KIRREL3: variants seen among roughly 807,000 people sequenced by gnomAD.
KIRREL3 encodes kin of IRRE-like protein 3.
KIRREL3 carries 36 observed loss-of-function variants against 89.7 expected under a neutral mutation model. That is an observed-to-expected ratio of 0.40 (90% CI 0.31 to 0.53). The LOEUF is 0.53. KIRREL3 is among the 20% of genes least tolerant of loss of function. The pLI is 0.49. For synonymous variants in KIRREL3, 445 were observed against 441.4 expected (o/e 1.01, Z -0.10); for missense variants, 864 against 1,056.6 (o/e 0.82, Z 2.53).
chr11:126,503,534 T>C lies in KIRREL3; in HGVS notation c.433+17781A>G, dbSNP rs749971111. ...TTACAACTAGTTAGCTGGGTGGCCATGGGGAAGGAACCCAACCCTTCTGAG... is the reference window on the plus strand; with the variant it reads ...TTACAACTAGTTAGCTGGGTGGCCACGGGGAAGGAACCCAACCCTTCTGAG... On this transcript the variant is annotated intron_variant, in intron 4 of 16. Coordinates refer to ENST00000525144, the MANE Select transcript of KIRREL3 (RefSeq NM_032531.4). 8.2e-4 allele frequency among the ~76,000 whole-genome samples: 125 copies of C among 152,258 alleles called. 1 individual carries two copies. The highest frequency in any genetic ancestry group is 1.4e-3 in the Admixed American group (22 of 15,300).
chr11:126,911,557 C>T (rs1946814944), intron 1 of KIRREL3, among the ~76,000 whole-genome samples: 1 of 152,184 alleles, frequency 6.6e-6, no homozygotes, highest in African/African-American at 2.4e-5. Flanking sequence ...CCCCTCCTCT[C>T]TCCCCGCAGC....
rs1958552943 is a variant in KIRREL3 at position 126,520,573 on chromosome 11, C to T, written c.433+742G>A. Among the ~76,000 whole-genome samples the T allele has an allele frequency of 1.3e-5, 2 of 152,102 alleles. No individual in the cohort carries two copies. The highest frequency in any genetic ancestry group is 1.5e-5 in the Non-Finnish European group (1 of 68,020). ...CCTGGTTCTCAGCAGCCTTGATCCT[C>T]GGTAACATTTGGCCAGAGGAGGGAG... On this transcript the variant is annotated intron_variant, in intron 4 of 16. Coordinates refer to ENST00000525144, the MANE Select transcript of KIRREL3 (RefSeq NM_032531.4). The surrounding 1 kb of genome is among the most constrained non-coding windows in gnomAD (Gnocchi z 4.9).
In KIRREL3 at chr11:126,729,527, G is replaced by A. The variant is rs924001276; in HGVS notation, c.56-166615C>T. 3.9e-5 allele frequency among the ~76,000 whole-genome samples: 6 copies of A among 152,224 alleles called. No individual in the cohort carries two copies. The highest frequency in any genetic ancestry group is 1.2e-4 in the African/African-American group (5 of 41,462). On this transcript the variant is annotated intron_variant, in intron 1 of 16. Transcript: ENST00000525144. This position sits in a 1 kb window ranked among gnomAD's most constrained non-coding sequence, Gnocchi z 4.5. ...TGCTTCTCCTTTGCAGCCTCAGGGA[G>A]TGATTACCTGCAATATGCCAGGGTA...
In KIRREL3 at chr11:126,987,036, T is replaced by C. The variant is rs1428028003; in HGVS notation, c.55+13419A>G. On this transcript the variant is annotated intron_variant, in intron 1 of 16. Coordinates refer to ENST00000525144, the MANE Select transcript of KIRREL3 (RefSeq NM_032531.4). This position sits in a 1 kb window ranked among gnomAD's most constrained non-coding sequence, Gnocchi z 4.6. The stretch of plus-strand genomic sequence containing the variant: ...GAAGGTCTGGACTGGGGTCCAAAAA[T>C]GGGGATTTCTAACAATCTCCAAGTT... Among the ~76,000 whole-genome samples, 1 of 152,158 alleles carries C rather than the reference T, an allele frequency of 6.6e-6. No individual in the cohort carries two copies. Among genetic ancestry groups the C allele is most frequent in the African/African-American group, 2.4e-5 (1 of 41,440 alleles).
chr11:126,973,099 G>GAAAAAA (rs763115363), intron 1 of KIRREL3, among the ~76,000 whole-genome samples: 6 of 41,134 alleles, frequency 1.5e-4, no homozygotes, highest in African/African-American at 2.6e-4. Context: ...TAAGTTTTGA[G>GAAAAAA]GAAAAAAAAA....
At position 126,859,362 on chromosome 11, in the gene KIRREL3, T is replaced by G. The variant is rs142032180; in HGVS notation, c.55+141093A>C. ...CACATGGCAACTTATTCAAGGTCAC[T>G]GAGCAACATTTAGCAGAGCTTGGAT... is the stretch of plus-strand genomic sequence containing the variant. On this transcript the variant is annotated intron_variant, in intron 1 of 16. Transcript: ENST00000525144. Among the ~76,000 whole-genome samples the G allele has an allele frequency of 3.1e-3, 467 of 152,350 alleles. 2 individuals are homozygous for G. The highest frequency in any genetic ancestry group is 5.7e-3 in the Admixed American group (87 of 15,298).
rs965218809 is a variant in KIRREL3 at position 126,575,103 on chromosome 11, G to C, written c.56-12191C>G. 4.6e-5 allele frequency among the ~76,000 whole-genome samples: 7 copies of C among 152,192 alleles called. No homozygotes were observed. The highest frequency in any genetic ancestry group is 8.8e-5 in the Non-Finnish European group (6 of 68,032). Reference sequence around the variant, plus strand: ...AACTGCAGGAGAATTTATACTTCTTGTTCATCTGGAGAAAGTTCTCTGGCC... The same window carrying C: ...AACTGCAGGAGAATTTATACTTCTTCTTCATCTGGAGAAAGTTCTCTGGCC... On this transcript the variant is annotated intron_variant, in intron 1 of 16. Transcript: ENST00000525144. The surrounding 1 kb of genome is among the most constrained non-coding windows in gnomAD (Gnocchi z 7.0).
At chr11:126,482,575 C>A (rs1163300407) in intron 4 of KIRREL3, among the ~76,000 whole-genome samples, 1 of 152,228 alleles carries the variant, frequency 6.6e-6, no homozygotes, top group African/African-American at 2.4e-5. Context: ...GATGATGTGG[C>A]ATGTTATTGG....
chr11:126,487,899 T>C (rs4937140), intron 4 of KIRREL3, among the ~76,000 whole-genome samples: 71,024 of 152,080 alleles, frequency 0.47, 18,164 homozygotes, highest in African/African-American at 0.68. Flanking sequence ...TGTCCTGTCC[T>C]GAAAGGGGTA....
intron 1 of KIRREL3, among the ~76,000 whole-genome samples, chr11:126,873,539 T>A (rs1945176693): frequency 6.6e-6 from 1 of 152,230 alleles, no homozygotes; most frequent in South Asian, 2.1e-4. Flanking sequence ...ATTTTTCTTT[T>A]TGCTCACAAG....
Position 126,541,442 on chromosome 11 carries a change from CAAAGAAGTG to C in KIRREL3, c.134-14764_134-14756del, listed in dbSNP as rs908686261. On this transcript the variant is annotated intron_variant, in intron 2 of 16. Coordinates refer to ENST00000525144, the MANE Select transcript of KIRREL3 (RefSeq NM_032531.4). This position sits in a 1 kb window ranked among gnomAD's most constrained non-coding sequence, Gnocchi z 4.8. Reference sequence around the variant, plus strand: ...GGTTGAAAATAATAAAATCAAGGTGCAAAGAAGTGAAAGCAAGTCTCTCAAGGACACTTG... The same window carrying C: ...GGTTGAAAATAATAAAATCAAGGTGCAAAGCAAGTCTCTCAAGGACACTTG... Among the ~76,000 whole-genome samples, 1 of 152,050 alleles carries C rather than the reference CAAAGAAGTG, an allele frequency of 6.6e-6. No individual in the cohort carries two copies. The highest frequency in any genetic ancestry group is 2.4e-5 in the African/African-American group (1 of 41,386).
At position 126,870,211 on chromosome 11, in the gene KIRREL3, C is replaced by G. The variant is rs1261780466; in HGVS notation, c.55+130244G>C. The stretch of plus-strand genomic sequence containing the variant: ...CCTGTTCACGGTCTAAAGCCACATC[C>G]TGTCTGCCCCAGGCTCATATTCTGC... On this transcript the variant is annotated intron_variant, in intron 1 of 16. Coordinates refer to ENST00000525144, the MANE Select transcript of KIRREL3 (RefSeq NM_032531.4). This position sits in a 1 kb window ranked among gnomAD's most constrained non-coding sequence, Gnocchi z 4.4. Among the ~76,000 whole-genome samples, 3 of 152,178 alleles carry G rather than the reference C, an allele frequency of 2.0e-5. No individual in the cohort carries two copies. The highest frequency in any genetic ancestry group is 4.4e-5 in the Non-Finnish European group (3 of 68,014).
intron 5 of KIRREL3, among the ~76,000 whole-genome samples, chr11:126,467,358 C>T (rs1385385447): frequency 6.6e-6 from 1 of 152,202 alleles, no homozygotes; most frequent in East Asian, 1.9e-4. Context: ...TGTACCCCAC[C>T]CCATGGTTTT....
rs775411992 is a variant in KIRREL3, at chr11:126,705,545, C to G, written c.56-142633G>C. Among the ~76,000 whole-genome samples, 1 of 152,166 alleles carries G rather than the reference C, an allele frequency of 6.6e-6. No homozygotes were observed. The highest frequency in any genetic ancestry group is 2.4e-5 in the African/African-American group (1 of 41,440). On this transcript the variant is annotated intron_variant, in intron 1 of 16. Coordinates refer to ENST00000525144, the MANE Select transcript of KIRREL3 (RefSeq NM_032531.4). The surrounding 1 kb of genome is among the most constrained non-coding windows in gnomAD (Gnocchi z 4.3). ...CCAGAAGCTGAGAAGATACTGGAACCGTGCTTCCTGTACAGCCTGCAGAAC... is the reference window on the plus strand; with the variant it reads ...CCAGAAGCTGAGAAGATACTGGAACGGTGCTTCCTGTACAGCCTGCAGAAC...
intron 1 of KIRREL3, among the ~76,000 whole-genome samples, chr11:126,670,421 C>T (rs890513674): frequency 6.6e-6 from 1 of 152,176 alleles, no homozygotes; most frequent in African/African-American, 2.4e-5. Flanking sequence ...CTCACCACCC[C>T]TATTGACCAC....
At chr11:126,913,946 C>A (rs756082687) in intron 1 of KIRREL3, among the ~76,000 whole-genome samples, 2 of 152,170 alleles carry the variant, frequency 1.3e-5, no homozygotes, top group Non-Finnish European at 2.9e-5. Flanking sequence ...AATAGGTCAC[C>A]CTTTCCACCT....
intron 1 of KIRREL3, among the ~76,000 whole-genome samples, chr11:126,720,593 T>C (rs1948130606): frequency 6.6e-6 from 1 of 152,222 alleles, no homozygotes; most frequent in Admixed American, 6.5e-5. Context: ...TTAAATTAGT[T>C]CACTCCCATG....
chr11:126,962,234 C>T (rs1949112849), intron 1 of KIRREL3, among the ~76,000 whole-genome samples: 1 of 152,094 alleles, frequency 6.6e-6, no homozygotes. Context: ...TGGATATGGG[C>T]AAAGTAAATT....
chr11:126,907,568 T>G (rs1284067759), intron 1 of KIRREL3, among the ~76,000 whole-genome samples: 1 of 152,162 alleles, frequency 6.6e-6, no homozygotes, highest in Non-Finnish European at 1.5e-5. Context: ...ACCACATTCT[T>G]TTTAAAGTAT....
Sources: allele counts gnomAD v4.1 joint callset (sites outside exome capture counted in the v4.1 genomes callset), GRCh38; gene constraint gnomAD v4.1.1; non-coding constraint Gnocchi (gnomAD v3.1); transcripts MANE v1.5; gene names NCBI Gene and HGNC (gene_info 2026-07-23, HGNC 2026-07-21).